The following IRAG1 variants were observed in gnomAD, a reference collection of about 807,000 sequenced individuals.
IRAG1 encodes the protein inositol 1,4,5-triphosphate receptor associated 1, also known as IP3R-associated cGMP kinase substrate.
IRAG1 carries 62 observed loss-of-function variants against 106.2 expected under a neutral mutation model. The ratio of observed to expected loss-of-function variants is 0.58; its 90% CI spans 0.48 to 0.72. The LOEUF (loss-of-function observed/expected upper bound fraction) is 0.72. Among genes scored for constraint, IRAG1 ranks in the 30% least tolerant of loss-of-function variants. IRAG1 has a pLI of 0.00. For synonymous variants in IRAG1, 462 were observed against 443.9 expected (o/e 1.04, Z -0.51); for missense variants, 1,064 against 1,140.7 (o/e 0.93, Z 0.97).
chr11:10,580,555 G>T lies in IRAG1; in HGVS notation c.2395C>A (p.Gln799Lys), dbSNP rs774905666. ...QEGLKKTKEL[Q>K]DLKEEEEEQK... ...TCTTCCTCCTCCTCCTTCAGGTCTT[G>T]AAGTTCTTTGGTCTTCTTTAGACCT... Residue 799 changes from glutamine to lysine, a missense_variant, in exon 20 of 21, where the codon CAA (glutamine) becomes AAA (lysine). By Grantham distance (53) the Gln-to-Lys change is moderately conservative. Coordinates refer to ENST00000423302, the MANE Select transcript of IRAG1 (RefSeq NM_130385.4). 1.9e-6 allele frequency: 3 copies of T among 1,613,862 alleles called. No individual in the cohort carries two copies. The highest frequency in any genetic ancestry group is 2.2e-5 in the East Asian group (1 of 44,858).
intron 9 of IRAG1, among the ~76,000 whole-genome samples, chr11:10,625,465 T>C (rs1856168947): frequency 6.6e-6 from 1 of 152,174 alleles, no homozygotes; most frequent in African/African-American, 2.4e-5. Context: ...AAACTCACCA[T>C]GGGCGGAGCA....
chr11:10,600,867 T>C (rs1853919856), intron 15 of IRAG1, 51 bp downstream of exon 15: 6 of 1,609,808 alleles, frequency 3.7e-6, no homozygotes, highest in Non-Finnish European at 5.1e-6. Flanking sequence ...CCAAGAGCTC[T>C]TGGAAGTCCA....
At chr11:10,692,853 A>C (rs1201085937) in intron 1 of IRAG1, among the ~76,000 whole-genome samples, 1 of 152,190 alleles carries the variant, frequency 6.6e-6, no homozygotes. Flanking sequence ...CTTTGGAAAA[A>C]GCCAGTTCAA....
At chr11:10,681,180 T>G (rs1017381525) in intron 1 of IRAG1, among the ~76,000 whole-genome samples, 5 of 152,068 alleles carry the variant, frequency 3.3e-5, no homozygotes, top group African/African-American at 1.2e-4. Flanking sequence ...CACCCACTAC[T>G]CCTGTAGGGC....
chr11:10,624,629 G>A (rs191567163), intron 9 of IRAG1, among the ~76,000 whole-genome samples: 17 of 152,228 alleles, frequency 1.1e-4, no homozygotes, highest in Admixed American at 1.1e-3. Context: ...AGGGAGGAAA[G>A]GAAGGGGCCA....
At chr11:10,612,093 A>G (rs747274429) in intron 10 of IRAG1, among the ~76,000 whole-genome samples, 12 of 152,240 alleles carry the variant, frequency 7.9e-5, no homozygotes, top group Admixed American at 4.6e-4. Flanking sequence ...CAGGAGACAC[A>G]TGGAAAGCCC....
At chr11:10,637,767 T>C (rs1306633904) in intron 2 of IRAG1, among the ~76,000 whole-genome samples, 1 of 151,814 alleles carries the variant, frequency 6.6e-6, no homozygotes, top group East Asian at 1.9e-4. Context: ...AGTGGAACAA[T>C]GATCTGGGGC....
In IRAG1 at chr11:10,590,803, T is replaced by C. The variant is rs376542468; in HGVS notation, c.2240+745A>G. 2.0e-4 allele frequency among the ~76,000 whole-genome samples: 30 copies of C among 152,330 alleles called. 2 individuals carry two copies. The highest frequency in any genetic ancestry group is 1.7e-3 in the East Asian group (9 of 5,186). On this transcript the variant is annotated intron_variant, in intron 18 of 20. Coordinates refer to ENST00000423302, the MANE Select transcript of IRAG1 (RefSeq NM_130385.4). ...GAAACTGCTGGCTGCTAATCCAATA[T>C]GCATTTTCCTTCCTACTTCCTAACA...
chr11:10,629,941 C>G (rs1320587496), intron 4 of IRAG1: 4 of 479,752 alleles, frequency 8.3e-6, no homozygotes, highest in African/African-American at 3.9e-5. Flanking sequence ...GGTCCTGGAG[C>G]CATCTCAGGT....
At chr11:10,627,857 T>C in intron 7 of IRAG1, 97 bp from the exon 8 acceptor site, 1 of 1,585,178 alleles carries the variant, frequency 6.3e-7, no homozygotes, top group Non-Finnish European at 8.6e-7. Context: ...GTGGTGTTCA[T>C]GCCCTCCACC....
intron 1 of IRAG1, among the ~76,000 whole-genome samples, chr11:10,681,976 A>G (rs921883589): frequency 2.0e-5 from 3 of 152,156 alleles, no homozygotes; most frequent in Non-Finnish European, 4.4e-5. Context: ...ATGAGTTTCT[A>G]TCTGTTGATG....
Position 10,623,661 on chromosome 11 carries a change from C to T in IRAG1, c.1447+117G>A. On this transcript the variant is annotated intron_variant, in intron 10 of 20. Coordinates refer to ENST00000423302, the MANE Select transcript of IRAG1 (RefSeq NM_130385.4). ...GACACAATCGGATTCATTCATTCACCAGCAAATGTTTCCTGAGGAAGACAC... is the reference window on the plus strand; with the variant it reads ...GACACAATCGGATTCATTCATTCACTAGCAAATGTTTCCTGAGGAAGACAC... The T allele has an allele frequency of 9.4e-6, 9 of 956,858 alleles. No individual in the cohort carries two copies. In the South Asian group the frequency reaches 1.3e-4, roughly 14 times the overall value. 59.3% of individuals were successfully genotyped at this position (956,858 alleles called of 1,614,324 possible). A position where few individuals can be genotyped will look rare whatever the true frequency, so the allele number is the denominator to read the frequency against.
intron 1 of IRAG1, among the ~76,000 whole-genome samples, chr11:10,660,292 A>C (rs1859291757): frequency 6.6e-6 from 1 of 152,246 alleles, no homozygotes; most frequent in Non-Finnish European, 1.5e-5. Context: ...AATACTCAAA[A>C]TAACTGCTTT....
intron 1 of IRAG1, among the ~76,000 whole-genome samples, chr11:10,670,848 A>T (rs143901213): frequency 1.6e-4 from 25 of 152,360 alleles, no homozygotes; most frequent in Non-Finnish European, 3.4e-4. Flanking sequence ...TCTATAAGCA[A>T]GGAGAGAGGC....
chr11:10,610,083 C>A (rs1369598967), intron 10 of IRAG1, among the ~76,000 whole-genome samples: 1 of 152,190 alleles, frequency 6.6e-6, no homozygotes, highest in African/African-American at 2.4e-5. Flanking sequence ...ACAGAACTAG[C>A]AAATGACATG....
intron 1 of IRAG1, among the ~76,000 whole-genome samples, chr11:10,680,216 T>C (rs1861042113): frequency 7.0e-6 from 1 of 143,484 alleles, no homozygotes; most frequent in Non-Finnish European, 1.5e-5. Flanking sequence ...GAGGTTGCAG[T>C]GAGCAGAGAT....
chr11:10,690,253 G>A (rs1861958762), intron 1 of IRAG1: 2 of 428,476 alleles, frequency 4.7e-6, no homozygotes, highest in Non-Finnish European at 8.0e-6. Flanking sequence ...AGCCAGGCAT[G>A]GTGGTACTCA....
At position 10,629,625 on chromosome 11, in the gene IRAG1, G is replaced by C. The variant is rs1459890100; in HGVS notation, c.487C>G (p.Leu163Val). The C allele has an allele frequency of 6.2e-7, 1 of 1,613,896 alleles. No individual in the cohort carries two copies. Among genetic ancestry groups the C allele is most frequent in the African/African-American group, 1.3e-5 (1 of 74,954 alleles). Residue 163 changes from leucine (L) to valine (V), a missense_variant, in exon 5 of 21, where the codon CTG becomes GTG. Leu to Val is a conservative substitution (Grantham distance 32). Coordinates refer to ENST00000423302, the MANE Select transcript of IRAG1 (RefSeq NM_130385.4). ...CTCACCAACTTGGCTTCTTCCAGCA[G>C]CGCCAGGTTTTTCTTCTTGTCCTCC... Reference protein sequence around the residue: ...SEEDKKKNLALLEEAKLVSER... With the variant: ...SEEDKKKNLAVLEEAKLVSER...
intron 3 of IRAG1, among the ~76,000 whole-genome samples, chr11:10,633,232 A>G (rs7127681): frequency 0.064 from 9,668 of 150,726 alleles, 322 homozygotes; most frequent in African/African-American, 0.066. Flanking sequence ...CCGCCACCAC[A>G]CCCGGCTAAT....
Sources: allele counts gnomAD v4.1 joint callset (sites outside exome capture counted in the v4.1 genomes callset), GRCh38; gene constraint gnomAD v4.1.1; transcripts MANE v1.5; gene names NCBI Gene and HGNC (gene_info 2026-07-23, HGNC 2026-07-21).